SLC49A4: variants seen among roughly 807,000 people sequenced by gnomAD.
The protein encoded by SLC49A4 is disrupted in renal cancer protein 2.
A neutral mutation model predicts 50.6 loss-of-function variants in SLC49A4; 36 were observed. That is an observed-to-expected ratio of 0.71 (90% CI 0.55 to 0.94). The LOEUF (loss-of-function observed/expected upper bound fraction) is 0.94. Ranked by LOEUF, SLC49A4 falls within the 40% of genes least tolerant of loss-of-function variation. The pLI, the probability that SLC49A4 is intolerant of heterozygous loss-of-function variation, is 0.00. For synonymous variants in SLC49A4, 248 were observed against 241.2 expected (o/e 1.03, Z -0.26); for missense variants, 503 against 605.7 (o/e 0.83, Z 1.78).
At chr3:122,836,149 T>G (rs1936682081) in intron 4 of SLC49A4, among the ~76,000 whole-genome samples, 4 of 152,234 alleles carry the variant, frequency 2.6e-5, no homozygotes, top group Admixed American at 2.6e-4. Context: ...AGATAGCTCT[T>G]ACTATTTTGA....
chr3:122,854,519 C>G (rs1476988384), intron 5 of SLC49A4, among the ~76,000 whole-genome samples: 2 of 152,212 alleles, frequency 1.3e-5, no homozygotes, highest in East Asian at 1.9e-4. Flanking sequence ...CTTCTGTCCC[C>G]TAGGACCTTG....
At chr3:122,822,671 G>C (rs1213444746) in intron 2 of SLC49A4, among the ~76,000 whole-genome samples, 1 of 152,112 alleles carries the variant, frequency 6.6e-6, no homozygotes, top group Admixed American at 6.5e-5. Context: ...TAGTTGCCGT[G>C]ATACCAGTCT....
chr3:122,820,535 A>G (rs1024888573), intron 2 of SLC49A4, among the ~76,000 whole-genome samples: 4 of 152,258 alleles, frequency 2.6e-5, no homozygotes, highest in Non-Finnish European at 5.9e-5. Flanking sequence ...TTAGGATACC[A>G]GAATATTAAA....
intron 5 of SLC49A4, among the ~76,000 whole-genome samples, chr3:122,852,175 A>G (rs537072807): frequency 6.6e-6 from 1 of 152,014 alleles, no homozygotes; most frequent in East Asian, 1.9e-4. Flanking sequence ...TATTTTTAGT[A>G]GAGACGGGGT....
At chr3:122,870,502 C>T (rs1475250692) in intron 7 of SLC49A4, among the ~76,000 whole-genome samples, 1 of 151,452 alleles carries the variant, frequency 6.6e-6, no homozygotes, top group African/African-American at 2.4e-5. Flanking sequence ...AGCCATCATG[C>T]CAGCTTGATC....
intron 2 of SLC49A4, among the ~76,000 whole-genome samples, chr3:122,824,985 G>A (rs1180400579): frequency 2.0e-5 from 3 of 151,836 alleles, no homozygotes; most frequent in Admixed American, 6.6e-5. Flanking sequence ...CACCCACCTC[G>A]GCCTCCCAAA....
At chr3:122,868,931 G>T (rs577883270) in intron 7 of SLC49A4, among the ~76,000 whole-genome samples, 1 of 152,092 alleles carries the variant, frequency 6.6e-6, no homozygotes, top group Non-Finnish European at 1.5e-5. Context: ...CATATAATAG[G>T]CATTCTAACA....
chr3:122,876,720 C>A (rs1937272346), intron 8 of SLC49A4, among the ~76,000 whole-genome samples: 1 of 152,174 alleles, frequency 6.6e-6, no homozygotes, highest in African/African-American at 2.4e-5. Context: ...AGCGTGACTC[C>A]ACTGTAGGGA....
chr3:122,860,756 C>A (rs1034364341), intron 7 of SLC49A4, among the ~76,000 whole-genome samples: 1 of 152,132 alleles, frequency 6.6e-6, no homozygotes, highest in Non-Finnish European at 1.5e-5. Context: ...TTATTAATAT[C>A]ATCAATTCAG....
intron 2 of SLC49A4, among the ~76,000 whole-genome samples, chr3:122,820,137 C>T (rs905230810): frequency 6.6e-6 from 1 of 151,936 alleles, no homozygotes; most frequent in Non-Finnish European, 1.5e-5. Flanking sequence ...GTACTGTGTG[C>T]CTTTGGATTT....
At chr3:122,797,948 T>A (rs1936070951) in intron 1 of SLC49A4, among the ~76,000 whole-genome samples, 1 of 152,162 alleles carries the variant, frequency 6.6e-6, no homozygotes, top group Non-Finnish European at 1.5e-5. Context: ...TCCACTGCAC[T>A]CCAGCCTCAG....
At chr3:122,813,261 T>C (rs1449088573) in intron 2 of SLC49A4, among the ~76,000 whole-genome samples, 1 of 151,302 alleles carries the variant, frequency 6.6e-6, no homozygotes, top group African/African-American at 2.4e-5. Context: ...AAAAAAGCTG[T>C]GTAAAATTGT....
At chr3:122,862,013 C>G (rs1937062714) in intron 7 of SLC49A4, among the ~76,000 whole-genome samples, 1 of 152,174 alleles carries the variant, frequency 6.6e-6, no homozygotes, top group Admixed American at 6.5e-5. Flanking sequence ...ACAAGTACCA[C>G]ACAAAAATTA....
In SLC49A4 at chr3:122,795,230, C is replaced by T. The variant is rs1935997127; in HGVS notation, c.38C>T (p.Pro13Leu). Residue 13 changes from proline (P) to leucine (L), a missense_variant, in exon 1 of 9, where the codon CCG becomes CTG. Coordinates refer to ENST00000261038, the MANE Select transcript of SLC49A4 (RefSeq NM_032839.3). The stretch of plus-strand genomic sequence containing the variant: ...TGGAGCAGCGAAGAGGAGAGGCAGC[C>T]GCTGCTGGGGCCCGGGCTCGGGCCT... The part of the protein sequence containing the change: ...SRWSSEEERQ[P>L]LLGPGLGPGL... 7.5e-7 allele frequency: 1 copy of T among 1,337,800 alleles called. No individual in the cohort carries two copies. Among genetic ancestry groups the T allele is most frequent in the Non-Finnish European group, 9.5e-7 (1 of 1,053,634 alleles). The allele number at this position is 1,337,800 out of a possible 1,614,324, so 82.9% of individuals were successfully genotyped here.
At chr3:122,839,627 A>G (rs908492984) in intron 4 of SLC49A4, among the ~76,000 whole-genome samples, 2 of 152,182 alleles carry the variant, frequency 1.3e-5, no homozygotes, top group Non-Finnish European at 2.9e-5. Context: ...ACTAACAAAC[A>G]TAGGAAAAAA....
In SLC49A4 at chr3:122,860,188, T is replaced by C. The variant is rs1576309135; in HGVS notation, c.1124T>C (p.Leu375Pro). ...TLTCLNSITH[L>P]PLTTVTLYAS... Reference sequence around the variant, plus strand: ...ACCTGTTTGAACAGCATCACACACCTACCTTTAACCACAGGTGAGCATAGG... The same window carrying C: ...ACCTGTTTGAACAGCATCACACACCCACCTTTAACCACAGGTGAGCATAGG... Residue 375 changes from leucine to proline, a missense_variant, in exon 7 of 9, where the codon CTA becomes CCA. Transcript: ENST00000261038. The C allele has an allele frequency of 4.4e-6, 7 of 1,604,600 alleles. No individual in the cohort carries two copies. The highest frequency in any genetic ancestry group is 5.1e-6 in the Non-Finnish European group (6 of 1,175,824).
intron 4 of SLC49A4, among the ~76,000 whole-genome samples, chr3:122,840,550 AT>A (rs1936757162): frequency 6.6e-6 from 1 of 152,186 alleles, no homozygotes; most frequent in Non-Finnish European, 1.5e-5. Context: ...TTAGTAGCAT[AT>A]TGTTTAACCA....
At chr3:122,818,297 AT>A (rs1936405142) in intron 2 of SLC49A4, among the ~76,000 whole-genome samples, 1 of 152,226 alleles carries the variant, frequency 6.6e-6, no homozygotes, top group Non-Finnish European at 1.5e-5. Flanking sequence ...TCAGTATGGT[AT>A]CTGTGGTTAC....
At chr3:122,827,607 C>T (rs1264523894) in intron 3 of SLC49A4, among the ~76,000 whole-genome samples, 1 of 152,202 alleles carries the variant, frequency 6.6e-6, no homozygotes, top group East Asian at 1.9e-4. Context: ...TTTCTAGAGT[C>T]AAGCCCTGGT....
Sources: allele counts gnomAD v4.1 joint callset (sites outside exome capture counted in the v4.1 genomes callset), GRCh38; gene constraint gnomAD v4.1.1; transcripts MANE v1.5; gene names NCBI Gene and HGNC (gene_info 2026-07-23, HGNC 2026-07-21).